GMDS: variants seen among roughly 807,000 people sequenced by gnomAD.
GMDS encodes GDP-mannose 4,6 dehydratase.
GMDS carries 20 observed loss-of-function variants against 49.9 expected under a neutral mutation model. That is an observed-to-expected ratio of 0.40 (90% CI 0.28 to 0.58). The LOEUF (loss-of-function observed/expected upper bound fraction) is 0.58, where lower values mean the gene tolerates loss of function less well. GMDS is among the 20% of genes least tolerant of loss of function. GMDS has a pLI of 0.42. For missense variants in GMDS, 362 were observed against 481.4 expected (o/e 0.75, Z 2.32); for synonymous variants, 177 against 178.6 (o/e 0.99, Z 0.07).
At chr6:1,681,737 A>G (rs143750658) in intron 9 of GMDS, among the ~76,000 whole-genome samples, 1 of 152,370 alleles carries the variant, frequency 6.6e-6, no homozygotes, top group Non-Finnish European at 1.5e-5. Flanking sequence ...GAAATGCACT[A>G]AGGCTGGAGT....
intron 6 of GMDS, among the ~76,000 whole-genome samples, chr6:1,935,073 A>G (rs2127251291): frequency 6.6e-6 from 1 of 152,364 alleles, no homozygotes; most frequent in South Asian, 2.1e-4. Context: ...CCTATAATTA[A>G]CTTAAATACA....
intron 7 of GMDS, among the ~76,000 whole-genome samples, chr6:1,913,388 C>CAAAAAAAAAAAAA (rs56262461): frequency 8.7e-5 from 9 of 103,976 alleles, no homozygotes; most frequent in Non-Finnish European, 1.1e-4. Context: ...CTCAAACAAA[C>CAAAAAAAAAAAAA]AAAAAAAAAA....
intron 1 of GMDS, among the ~76,000 whole-genome samples, chr6:2,203,513 A>AC (rs1480016781): frequency 6.6e-6 from 1 of 152,090 alleles, no homozygotes; most frequent in Admixed American, 6.6e-5. Context: ...GTTTCTTTGG[A>AC]CAGTACAGTA....
Position 2,071,138 on chromosome 6 carries a change from C to T in GMDS, c.345+44633G>A, listed in dbSNP as rs115239718. On this transcript the variant is annotated intron_variant, in intron 4 of 10. Transcript: ENST00000380815. ...CTGAAGAACATGAGTTGCCACCAAG[C>T]ATTCCCTACTGAACCCACATCCCAG... 4.8e-3 allele frequency among the ~76,000 whole-genome samples: 734 copies of T among 152,308 alleles called. 4 individuals carry two copies. Among genetic ancestry groups the T allele is most frequent in the African/African-American group, 0.016 (682 of 41,560 alleles).
intron 4 of GMDS, among the ~76,000 whole-genome samples, chr6:2,012,882 T>G (rs1442888830): frequency 6.6e-6 from 1 of 152,138 alleles, no homozygotes; most frequent in Non-Finnish European, 1.5e-5. Flanking sequence ...CCCCTCCTGT[T>G]GCAGTAACAG....
At chr6:1,758,526 C>T (rs1768041332) in intron 7 of GMDS, among the ~76,000 whole-genome samples, 1 of 152,302 alleles carries the variant, frequency 6.6e-6, no homozygotes, top group Middle Eastern at 3.4e-3. Context: ...CAAACGTTAG[C>T]GTGCATTAGA....
At chr6:1,948,046 T>C (rs1332608194) in intron 6 of GMDS, among the ~76,000 whole-genome samples, 2 of 152,220 alleles carry the variant, frequency 1.3e-5, no homozygotes. Flanking sequence ...GCTAATAACT[T>C]CACTTCCACG....
At chr6:2,141,412 T>C (rs1342401569) in intron 1 of GMDS, among the ~76,000 whole-genome samples, 2 of 152,208 alleles carry the variant, frequency 1.3e-5, no homozygotes, top group African/African-American at 4.8e-5. Flanking sequence ...GAATAAAAAC[T>C]GAATTTCAAA....
chr6:1,794,933 C>T (rs1268791623), intron 7 of GMDS, among the ~76,000 whole-genome samples: 1 of 152,156 alleles, frequency 6.6e-6, no homozygotes, highest in Admixed American at 6.5e-5. Flanking sequence ...CCCCTGTAAT[C>T]CCAGCACTTT....
chr6:1,965,876 T>C (rs1764232798), intron 4 of GMDS, among the ~76,000 whole-genome samples: 1 of 152,074 alleles, frequency 6.6e-6, no homozygotes, highest in Non-Finnish European at 1.5e-5. Context: ...AGAGAGATTA[T>C]TTTTAAGTAA....
intron 9 of GMDS, among the ~76,000 whole-genome samples, chr6:1,709,035 G>A (rs778475770): frequency 1.6e-4 from 25 of 152,318 alleles, no homozygotes; most frequent in African/African-American, 4.6e-4. Context: ...CCTGATTGCC[G>A]AGAACCGTGT....
rs201043095 is a variant in GMDS at position 1,960,729 on chromosome 6, C to T, written c.538+45G>A. 10 of 1,300,784 alleles carry T rather than the reference C, an allele frequency of 7.7e-6. No individual in the cohort carries two copies. The South Asian group carries it at 1.6e-4, about 20-fold the overall frequency. 80.6% of individuals were successfully genotyped at this position (1,300,784 alleles called of 1,614,324 possible). ...GAAAAACACACACCCCCCACACCCA[C>T]AGATAACGCCACACATGTGCTCCGG... On this transcript the variant is annotated intron_variant, in intron 5 of 10. Transcript: ENST00000380815.
At chr6:1,861,618 C>T (rs1170592404) in intron 7 of GMDS, among the ~76,000 whole-genome samples, 1 of 108,028 alleles carries the variant, frequency 9.3e-6, no homozygotes, top group Non-Finnish European at 2.0e-5. Context: ...CTCTTTCTCC[C>T]AAAAAAAAAA....
intron 7 of GMDS, among the ~76,000 whole-genome samples, chr6:1,819,061 C>A (rs1770784166): frequency 6.6e-6 from 1 of 151,978 alleles, no homozygotes; most frequent in Non-Finnish European, 1.5e-5. Flanking sequence ...CACACTCTCA[C>A]ACATACACTC....
At chr6:1,814,980 A>T (rs1446455600) in intron 7 of GMDS, among the ~76,000 whole-genome samples, 1 of 152,248 alleles carries the variant, frequency 6.6e-6, no homozygotes, top group Non-Finnish European at 1.5e-5. Context: ...AATAGGTCAC[A>T]TTTGTGGACA....
At chr6:1,943,097 G>A (rs940736415) in intron 6 of GMDS, among the ~76,000 whole-genome samples, 3 of 152,126 alleles carry the variant, frequency 2.0e-5, no homozygotes, top group African/African-American at 7.2e-5. Context: ...CACCGGCCCC[G>A]TCCCCAGCAT....
intron 1 of GMDS, among the ~76,000 whole-genome samples, chr6:2,203,982 G>A (rs1164541946): frequency 6.6e-6 from 1 of 152,176 alleles, no homozygotes; most frequent in Non-Finnish European, 1.5e-5. Flanking sequence ...CTAAGCAGAG[G>A]TATCTCTGGA....
At chr6:1,946,339 C>T (rs1329711717) in intron 6 of GMDS, among the ~76,000 whole-genome samples, 1 of 152,152 alleles carries the variant, frequency 6.6e-6, no homozygotes, top group Non-Finnish European at 1.5e-5. Context: ...ATCCTATATC[C>T]TTCACTACTA....
At chr6:2,102,363 T>C (rs1313456546) in intron 4 of GMDS, among the ~76,000 whole-genome samples, 2 of 152,192 alleles carry the variant, frequency 1.3e-5, no homozygotes, top group Admixed American at 6.5e-5. Context: ...ATAAATGTTC[T>C]AGTGCTAATA....
Sources: allele counts gnomAD v4.1 joint callset (sites outside exome capture counted in the v4.1 genomes callset), GRCh38; gene constraint gnomAD v4.1.1; transcripts MANE v1.5; gene names NCBI Gene and HGNC (gene_info 2026-07-23, HGNC 2026-07-21).